SNX9: variants seen among roughly 807,000 people sequenced by gnomAD.
The protein encoded by SNX9 is sorting nexin 9.
A neutral mutation model predicts 89.4 loss-of-function variants in SNX9; 44 were observed. The ratio of observed to expected loss-of-function variants is 0.49; its 90% CI spans 0.39 to 0.63. SNX9 has a LOEUF of 0.63. Ranked by LOEUF, SNX9 falls within the 30% of genes least tolerant of loss-of-function variation. The pLI, the probability that SNX9 is intolerant of heterozygous loss-of-function variation, is 0.00. For synonymous variants in SNX9, 236 were observed against 247.8 expected (o/e 0.95, Z 0.45); for missense variants, 578 against 736.1 (o/e 0.79, Z 2.49).
intron 6 of SNX9, 114 bp downstream of exon 6, chr6:157,902,159 G>A: frequency 2.3e-6 from 2 of 857,686 alleles, no homozygotes; most frequent in Non-Finnish European, 3.1e-6. Context: ...GATCTCCTAA[G>A]TTTTGGATAT....
chr6:157,930,788 C>T (rs1783796319), intron 12 of SNX9, among the ~76,000 whole-genome samples: 2 of 152,092 alleles, frequency 1.3e-5, no homozygotes, highest in Non-Finnish European at 1.5e-5. Flanking sequence ...GGTTGGGGAC[C>T]GTTGCTCTAA....
At chr6:157,835,453 C>T (rs898310836) in intron 1 of SNX9, among the ~76,000 whole-genome samples, 2 of 149,160 alleles carry the variant, frequency 1.3e-5, no homozygotes, top group African/African-American at 5.0e-5. Flanking sequence ...TGCTCTGTTG[C>T]CCAGGCTGGA....
chr6:157,921,941 A>G (rs550823477), intron 10 of SNX9, among the ~76,000 whole-genome samples: 3 of 152,282 alleles, frequency 2.0e-5, no homozygotes, highest in East Asian at 1.9e-4. Context: ...TTTTCCCTAG[A>G]TGTTTTTAAA....
chr6:157,921,628 T>C lies in SNX9; in HGVS notation c.1047T>C (p.Val349=). 8 of 1,614,074 alleles carry C rather than the reference T, an allele frequency of 5.0e-6. No individual in the cohort carries two copies. The highest frequency in any genetic ancestry group is 6.8e-6 in the Non-Finnish European group (8 of 1,179,934). Residue 349 remains valine (V), a synonymous_variant, in exon 10 of 18, where the codon GTT becomes GTC. Coordinates refer to ENST00000392185, the MANE Select transcript of SNX9 (RefSeq NM_016224.5). The part of the protein sequence containing the change: ...CRHPVISESE[V]FQQFLNFRDE... Reference sequence around the variant, plus strand: ...ATCCAGTAATCTCAGAAAGTGAAGTTTTCCAGCAGTTCCTAAATTTCCGAG... The same window carrying C: ...ATCCAGTAATCTCAGAAAGTGAAGTCTTCCAGCAGTTCCTAAATTTCCGAG...
intron 12 of SNX9, among the ~76,000 whole-genome samples, chr6:157,930,666 C>G (rs138799017): frequency 5.6e-4 from 85 of 152,322 alleles, no homozygotes; most frequent in African/African-American, 1.9e-3. Flanking sequence ...TTATGAGAAT[C>G]TAATGCCTGA....
At chr6:157,893,296 TCA>T (rs1782902405) in intron 4 of SNX9, among the ~76,000 whole-genome samples, 2 of 152,206 alleles carry the variant, frequency 1.3e-5, no homozygotes, top group South Asian at 2.1e-4. Flanking sequence ...GTTTGAGAAG[TCA>T]CAGTCTTGTG....
intron 4 of SNX9, among the ~76,000 whole-genome samples, chr6:157,880,593 T>G (rs1376815293): frequency 6.6e-6 from 1 of 152,238 alleles, no homozygotes; most frequent in East Asian, 1.9e-4. Flanking sequence ...GAAATGTTAC[T>G]TCTTTCTGTG....
At chr6:157,824,932 C>T (rs1273966151) in intron 1 of SNX9, among the ~76,000 whole-genome samples, 1 of 152,166 alleles carries the variant, frequency 6.6e-6, no homozygotes, top group Non-Finnish European at 1.5e-5. Flanking sequence ...CTAGTACATG[C>T]TCATCTTGCA....
intron 4 of SNX9, among the ~76,000 whole-genome samples, chr6:157,888,802 A>G (rs774024231): frequency 1.2e-4 from 18 of 152,272 alleles, no homozygotes; most frequent in Admixed American, 2.0e-4. Context: ...GGGATGTGGA[A>G]TATGTAGGAA....
At chr6:157,909,629 G>A in intron 7 of SNX9, 36 bp from the exon 8 acceptor site, 4 of 1,605,900 alleles carry the variant, frequency 2.5e-6, no homozygotes, top group Non-Finnish European at 3.4e-6. Context: ...ATTTTTCCAT[G>A]TAACAAAATT....
chr6:157,911,389 G>A (rs765417684), intron 9 of SNX9, among the ~76,000 whole-genome samples: 8 of 152,156 alleles, frequency 5.3e-5, no homozygotes, highest in Admixed American at 1.3e-4. Flanking sequence ...GACAAGAGGC[G>A]GTGGAATTCT....
chr6:157,878,006 T>A (rs980968964), intron 4 of SNX9, among the ~76,000 whole-genome samples: 7 of 152,240 alleles, frequency 4.6e-5, no homozygotes, highest in Non-Finnish European at 1.0e-4. Flanking sequence ...TCTTAATCTG[T>A]GCTGCATTTC....
rs1017169022 is a variant in SNX9 at position 157,823,800 on chromosome 6, C to T, written c.12+354C>T. 6.6e-6 allele frequency among the ~76,000 whole-genome samples: 1 copy of T among 151,918 alleles called. No individual in the cohort carries two copies. Among genetic ancestry groups the T allele is most frequent in the East Asian group, 1.9e-4 (1 of 5,148 alleles). ...ACTTCCCGCAGCCCGGGGAGGCCCC[C>T]GAGGCGACTGGCGCTCTGTGGCGTC... is the stretch of plus-strand genomic sequence containing the variant. On this transcript the variant is annotated intron_variant, in intron 1 of 17. Transcript: ENST00000392185. This position sits in a 1 kb window ranked among gnomAD's most constrained non-coding sequence, Gnocchi z 4.6.
intron 4 of SNX9, among the ~76,000 whole-genome samples, chr6:157,882,378 AT>A (rs1782645036): frequency 6.6e-6 from 1 of 152,234 alleles, no homozygotes; most frequent in African/African-American, 2.4e-5. Context: ...GTACATGAAG[AT>A]TGATGTTTTC....
At chr6:157,847,110 T>G (rs887581727) in intron 1 of SNX9, among the ~76,000 whole-genome samples, 1 of 152,060 alleles carries the variant, frequency 6.6e-6, no homozygotes, top group Non-Finnish European at 1.5e-5. Context: ...AGTCTGCAGG[T>G]TTTTGTTTTT....
chr6:157,939,911 G>A (rs576553771), intron 16 of SNX9, among the ~76,000 whole-genome samples: 12 of 152,268 alleles, frequency 7.9e-5, no homozygotes, highest in South Asian at 2.1e-4. Context: ...GGAGGCATCC[G>A]AGGGAGGCAA....
intron 1 of SNX9, among the ~76,000 whole-genome samples, chr6:157,849,459 A>C (rs1781866106): frequency 6.6e-6 from 1 of 152,222 alleles, no homozygotes; most frequent in Non-Finnish European, 1.5e-5. Flanking sequence ...GGTTTGAGTC[A>C]AGAGCGGCAA....
At chr6:157,939,872 G>A (rs1783999620) in intron 16 of SNX9, among the ~76,000 whole-genome samples, 1 of 152,134 alleles carries the variant, frequency 6.6e-6, no homozygotes, top group Non-Finnish European at 1.5e-5. Context: ...GGCTTTCTCA[G>A]CCTGGAGGGT....
At chr6:157,915,055 G>A (rs1783433099) in intron 9 of SNX9, among the ~76,000 whole-genome samples, 1 of 151,922 alleles carries the variant, frequency 6.6e-6, no homozygotes. Flanking sequence ...AGACAGATCT[G>A]TTTTCCATTT....
Sources: gnomAD v4.1 joint callset for allele counts (sites outside exome capture counted in the v4.1 genomes callset) on GRCh38, gnomAD v4.1.1 for gene constraint, Gnocchi (gnomAD v3.1) non-coding constraint, MANE v1.5 for transcripts, NCBI Gene and HGNC (gene_info 2026-07-23, HGNC 2026-07-21) for gene names.